TMEM131L: variants seen among roughly 807,000 people sequenced by gnomAD.
TMEM131L encodes the protein transmembrane 131 like, also known as transmembrane protein 131-like.
TMEM131L carries 54 observed loss-of-function variants against 192.2 expected under a neutral mutation model. The ratio of observed to expected loss-of-function variants is 0.28; its 90% CI spans 0.23 to 0.35. TMEM131L has a LOEUF of 0.35. Ranked by LOEUF, TMEM131L falls within the 10% of genes least tolerant of loss-of-function variation. The probability of loss-of-function intolerance (pLI) is 1.00; values close to 1 mark genes in which losing one functional copy is unlikely to be tolerated. For synonymous variants in TMEM131L, 701 were observed against 704.9 expected (o/e 0.99, Z 0.09); for missense variants, 1,888 against 1,972.9 (o/e 0.96, Z 0.82).
At chr4:153,540,703 G>A (rs1736710775) in intron 3 of TMEM131L, among the ~76,000 whole-genome samples, 1 of 152,242 alleles carries the variant, frequency 6.6e-6, no homozygotes, top group Non-Finnish European at 1.5e-5. Context: ...AAGTGTTATA[G>A]ATGAGCTTTA....
intron 7 of TMEM131L, among the ~76,000 whole-genome samples, chr4:153,573,856 A>T (rs1050993061): frequency 6.6e-6 from 1 of 152,232 alleles, no homozygotes; most frequent in Non-Finnish European, 1.5e-5. Flanking sequence ...AATGTGGGAA[A>T]AATGCTTCCC....
At chr4:153,600,586 A>C (rs1004918503) in intron 21 of TMEM131L, among the ~76,000 whole-genome samples, 1 of 152,254 alleles carries the variant, frequency 6.6e-6, no homozygotes, top group Non-Finnish European at 1.5e-5. Context: ...CAACTTCCTC[A>C]GGAACTGAAA....
intron 20 of TMEM131L, 75 bp downstream of exon 20, chr4:153,596,460 G>C: frequency 1.3e-6 from 2 of 1,549,524 alleles, no homozygotes; most frequent in Non-Finnish European, 1.8e-6. Flanking sequence ...GCTGATAGTT[G>C]ACGTTCACTT....
At chr4:153,556,686 A>G (rs2150469308) in intron 5 of TMEM131L, among the ~76,000 whole-genome samples, 1 of 152,294 alleles carries the variant, frequency 6.6e-6, no homozygotes, top group East Asian at 1.9e-4. Context: ...AGACAGTTGG[A>G]CCTGTGGAGG....
intron 3 of TMEM131L, among the ~76,000 whole-genome samples, chr4:153,476,159 A>G (rs1480944292): frequency 1.3e-5 from 2 of 152,012 alleles, no homozygotes; most frequent in African/African-American, 2.4e-5. Context: ...AGGTTTCACC[A>G]TGTTGGCCAG....
Position 153,473,769 on chromosome 4 carries a change from G to GT in TMEM131L, c.196-75dup, listed in dbSNP as rs1466774227. 3 of 1,242,650 alleles carry GT rather than the reference G, an allele frequency of 2.4e-6. No individual in the cohort carries two copies. In the African/African-American group the frequency reaches 4.6e-5, roughly 19 times the overall value. 77.0% of individuals were successfully genotyped at this position (1,242,650 alleles called of 1,614,324 possible). Reference sequence around the variant, plus strand: ...ACCCTGCCATTGTACTCCAGCCTGGGTGACAGAGCGAGACTCTGTCTCAAA... The same window carrying GT: ...ACCCTGCCATTGTACTCCAGCCTGGGTTGACAGAGCGAGACTCTGTCTCAAA... On this transcript the variant is annotated intron_variant, in intron 2 of 34. Coordinates refer to ENST00000409959, the MANE Select transcript of TMEM131L (RefSeq NM_001131007.2).
chr4:153,548,931 G>A (rs1737397269), intron 3 of TMEM131L, among the ~76,000 whole-genome samples: 1 of 152,062 alleles, frequency 6.6e-6, no homozygotes, highest in Non-Finnish European at 1.5e-5. Flanking sequence ...CTGCTCGGTG[G>A]GAGGAGAAAA....
chr4:153,600,684 G>T (rs1034160688), intron 21 of TMEM131L, among the ~76,000 whole-genome samples: 1 of 152,180 alleles, frequency 6.6e-6, no homozygotes, highest in Non-Finnish European at 1.5e-5. Flanking sequence ...AAGCATTTTA[G>T]TGTAACTATG....
chr4:153,586,239 C>A lies in TMEM131L; in HGVS notation c.1342C>A (p.Pro448Thr). ...GAATTTCACTGGCCCTTTATTTCTA[C>A]CTCCAGGCTGTTGGAATATATTTTC... Reference protein sequence around the residue: ...ILNFTGPLFLPPGCWNIFSLK... With the variant: ...ILNFTGPLFLTPGCWNIFSLK... Residue 448 changes from proline to threonine, a missense_variant, in exon 14 of 35, where the codon CCT (proline) becomes ACT (threonine). By Grantham distance (38) the Pro-to-Thr change is conservative. Coordinates refer to ENST00000409959, the MANE Select transcript of TMEM131L (RefSeq NM_001131007.2). The A allele has an allele frequency of 6.3e-7, 1 of 1,581,192 alleles. No homozygotes were observed. The highest frequency in any genetic ancestry group is 8.6e-7 in the Non-Finnish European group (1 of 1,168,732).
chr4:153,629,908 A>G (rs570816679), intron 31 of TMEM131L, among the ~76,000 whole-genome samples: 3 of 152,098 alleles, frequency 2.0e-5, no homozygotes, highest in Admixed American at 6.5e-5. Flanking sequence ...TCCACTTTCA[A>G]AGGTCTGAGT....
chr4:153,562,552 G>A (rs184953794), intron 7 of TMEM131L, among the ~76,000 whole-genome samples: 4 of 152,208 alleles, frequency 2.6e-5, no homozygotes, highest in East Asian at 1.9e-4. Flanking sequence ...GATATTCTAC[G>A]GGTTTTATGT....
chr4:153,620,995 G>C (rs1578883160), intron 27 of TMEM131L, 115 bp downstream of exon 27: 1 of 699,138 alleles, frequency 1.4e-6, no homozygotes, highest in South Asian at 1.8e-5. Context: ...TAATATGAGA[G>C]TGTAAATGTT....
chr4:153,497,028 T>C (rs577130501), intron 3 of TMEM131L, among the ~76,000 whole-genome samples: 2 of 151,876 alleles, frequency 1.3e-5, no homozygotes, highest in African/African-American at 4.8e-5. Context: ...GCCCAGCTAG[T>C]TTTTGTGTTT....
chr4:153,490,953 C>CAAAAAA (rs3040164), intron 3 of TMEM131L, among the ~76,000 whole-genome samples: 1 of 82,102 alleles, frequency 1.2e-5, no homozygotes, highest in Non-Finnish European at 2.4e-5. Flanking sequence ...GACTCTGTCT[C>CAAAAAA]AAAAAAAAAA....
rs1449407125 is a variant in TMEM131L at position 153,580,915 on chromosome 4, T to C, written c.738+12T>C. The C allele has an allele frequency of 6.4e-7, 1 of 1,554,432 alleles. No homozygotes were observed. Among genetic ancestry groups the C allele is most frequent in the East Asian group, 2.2e-5 (1 of 44,584 alleles). The stretch of plus-strand genomic sequence containing the variant: ...GTCAGCAATTAAAGGTAAAATAAAA[T>C]GTGTAGTGTTTTCTCTCTGCTTTCC... On this transcript the variant is annotated intron_variant, in intron 8 of 34. Coordinates refer to ENST00000409959, the MANE Select transcript of TMEM131L (RefSeq NM_001131007.2).
intron 7 of TMEM131L, among the ~76,000 whole-genome samples, chr4:153,570,682 C>A (rs1729528758): frequency 6.6e-6 from 1 of 152,174 alleles, no homozygotes; most frequent in South Asian, 2.1e-4. Context: ...GTGTTAGGAG[C>A]AGAGCTTCTG....
At chr4:153,504,510 CTT>C (rs1480646629) in intron 3 of TMEM131L, among the ~76,000 whole-genome samples, 1 of 150,682 alleles carries the variant, frequency 6.6e-6, no homozygotes, top group Non-Finnish European at 1.5e-5. Flanking sequence ...TAACTCCTGA[CTT>C]TGTGTGACCT....
chr4:153,583,799 G>A, intron 11 of TMEM131L, 127 bp downstream of exon 11: 1 of 633,680 alleles, frequency 1.6e-6, no homozygotes, highest in Non-Finnish European at 2.8e-6. Context: ...ATTTCAAGAA[G>A]TCCCAGCCTT....
rs1205372442 is a variant in TMEM131L, at chr4:153,632,762, G to A, written c.4252G>A (p.Val1418Met). ...CCTGTGGCCCACTCCGCCAGTGTGT[G>A]TGACAAGCAGCTTAAACTGCACCCT... ...GDLWPTPPVC[V>M]TSSLNCTLEN... Residue 1418 changes from valine to methionine, a missense_variant, in exon 32 of 35, where the codon GTG becomes ATG. Val to Met is a conservative substitution (Grantham distance 21). Coordinates refer to ENST00000409959, the MANE Select transcript of TMEM131L (RefSeq NM_001131007.2). 1 of 1,614,150 alleles carries A rather than the reference G, an allele frequency of 6.2e-7. No homozygotes were observed.
Sources: gnomAD v4.1 joint callset for allele counts (sites outside exome capture counted in the v4.1 genomes callset) on GRCh38, gnomAD v4.1.1 for gene constraint, MANE v1.5 for transcripts, NCBI Gene and HGNC (gene_info 2026-07-23, HGNC 2026-07-21) for gene names.